Variants in PGM2 observed in about 807,000 individuals in gnomAD.
The protein encoded by PGM2 is phosphopentomutase.
A neutral mutation model predicts 74.6 loss-of-function variants in PGM2; 57 were observed. The observed-to-expected ratio is 0.76, with a 90% CI of 0.62 to 0.95. The LOEUF is 0.95. PGM2 is among the 40% of genes least tolerant of loss of function. The pLI is 0.00. For missense variants in PGM2, 706 were observed against 741.9 expected (o/e 0.95, Z 0.56); for synonymous variants, 273 against 260.7 (o/e 1.05, Z -0.46).
chr4:37,852,537 G>T (rs1203563623), intron 12 of PGM2, among the ~76,000 whole-genome samples: 1 of 152,112 alleles, frequency 6.6e-6, no homozygotes, highest in African/African-American at 2.4e-5. Flanking sequence ...AAGTAATTGG[G>T]TGGTAAGTTT....
At chr4:37,852,766 T>G (rs1726088446) in intron 12 of PGM2, among the ~76,000 whole-genome samples, 1 of 152,188 alleles carries the variant, frequency 6.6e-6, no homozygotes, top group African/African-American at 2.4e-5. Flanking sequence ...TTTTGTTTGT[T>G]TTTTTCCTCT....
Position 37,826,821 on chromosome 4 carries a change from G to A in PGM2, c.81+8G>A. ...TGGCTGCGCTGGGACAAGGTGAGGGGCACCAGCAGGCGGGGAGCGCCTGGA... is the reference window on the plus strand; with the variant it reads ...TGGCTGCGCTGGGACAAGGTGAGGGACACCAGCAGGCGGGGAGCGCCTGGA... On this transcript the variant is annotated splice_region_variant and intron_variant, in intron 1 of 13. Coordinates refer to ENST00000381967, the MANE Select transcript of PGM2 (RefSeq NM_018290.4). 6.5e-7 allele frequency: 1 copy of A among 1,532,450 alleles called. No individual in the cohort carries two copies. The highest frequency in any genetic ancestry group is 1.2e-5 in the South Asian group (1 of 83,642). 94.9% of individuals were successfully genotyped at this position (1,532,450 alleles called of 1,614,324 possible). A position where few individuals can be genotyped will look rare whatever the true frequency, so the allele number is the denominator to read the frequency against.
Position 37,839,850 on chromosome 4 carries a change from C to G in PGM2, c.444C>G (p.Pro148=), listed in dbSNP as rs773632306. The G allele has an allele frequency of 1.3e-5, 21 of 1,564,692 alleles. No homozygotes were observed. Among genetic ancestry groups the G allele is most frequent in the African/African-American group, 4.1e-5 (3 of 73,876 alleles). ...FSDITPTPFV[P]FTVSHLKLCA... ...TCTTGTTTCCTGCTATGTTACAGCC[C>G]TTCACAGTATCACATTTGAAACTTT... Residue 148 remains proline, a splice_region_variant and synonymous_variant, in exon 5 of 14, where the codon CCC becomes CCG. Coordinates refer to ENST00000381967, the MANE Select transcript of PGM2 (RefSeq NM_018290.4).
At chr4:37,851,008 AAG>A (rs1726025388) in intron 12 of PGM2, among the ~76,000 whole-genome samples, 1 of 151,614 alleles carries the variant, frequency 6.6e-6, no homozygotes, top group Non-Finnish European at 1.5e-5. Flanking sequence ...AAAAAAAAAA[AAG>A]AGGAACTAGT....
intron 7 of PGM2, 99 bp from the exon 8 acceptor site, chr4:37,845,534 G>A (rs1250771446): frequency 5.0e-6 from 4 of 796,650 alleles, no homozygotes; most frequent in South Asian, 3.0e-5. Flanking sequence ...TCTAAGAGGG[G>A]AAAGACCTCT....
rs1711780653 is a variant in PGM2 at position 37,861,681 on chromosome 4, T to G, written c.*69T>G. On this transcript the variant is annotated 3_prime_UTR_variant, in exon 14 of 14. Coordinates refer to ENST00000381967, the MANE Select transcript of PGM2 (RefSeq NM_018290.4). ...CTGGGTTTAACTTGTTAAGCAATATTTTTAAGGGCCAAATGATTCAAAACA... is the reference window on the plus strand; with the variant it reads ...CTGGGTTTAACTTGTTAAGCAATATGTTTAAGGGCCAAATGATTCAAAACA... 2 of 920,034 alleles carry G rather than the reference T, an allele frequency of 2.2e-6. No homozygotes were observed. The highest frequency in any genetic ancestry group is 1.7e-5 in the Admixed American group (1 of 58,698). 57.0% of individuals were successfully genotyped at this position (920,034 alleles called of 1,614,324 possible). A position where few individuals can be genotyped will look rare whatever the true frequency, so the allele number is the denominator to read the frequency against.
Position 37,847,182 on chromosome 4 carries a change from C to G in PGM2, c.1189-20C>G, listed in dbSNP as rs1252615054. On this transcript the variant is annotated intron_variant, in intron 9 of 13. Transcript: ENST00000381967. ...TAGAAGATCTAAGGCATGTCTTTCT[C>G]TTTTGGATTATCCCTTTAGGAAACA... 1 of 1,607,816 alleles carries G rather than the reference C, an allele frequency of 6.2e-7. No homozygotes were observed. The highest frequency in any genetic ancestry group is 8.5e-7 in the Non-Finnish European group (1 of 1,174,456).
At chr4:37,845,217 A>G (rs1334406118) in intron 7 of PGM2, among the ~76,000 whole-genome samples, 1 of 152,142 alleles carries the variant, frequency 6.6e-6, no homozygotes, top group East Asian at 1.9e-4. Flanking sequence ...TCTGATATGA[A>G]GTGTTGCTTA....
Position 37,826,766 on chromosome 4 carries a change from G to A in PGM2, c.34G>A (p.Asp12Asn). The change falls in exon 1 of 14, where the codon GAC (aspartate) becomes AAC (asparagine). Residue 12 changes from aspartate (D) to asparagine (N), a missense_variant. Physicochemically the swap from Asp to Asn is conservative, Grantham distance 23. Around this residue, in one of 3 missense-constraint regions of PGM2, gnomAD observed 332 missense variants for 334.9 expected, o/e 0.99. Transcript: ENST00000381967. Reference sequence around the variant, plus strand: ...TCCAGAAGGCAGCGGTCTAGGCGAGGACGCCCGGCTGGACCAGGAGACCGC... The same window carrying A: ...TCCAGAAGGCAGCGGTCTAGGCGAGAACGCCCGGCTGGACCAGGAGACCGC... ...AAPEGSGLGEDARLDQETAQW... is the reference protein window; with the variant it reads ...AAPEGSGLGENARLDQETAQW... 6.5e-7 allele frequency: 1 copy of A among 1,549,932 alleles called. No individual in the cohort carries two copies. The highest frequency in any genetic ancestry group is 2.4e-5 in the East Asian group (1 of 40,862).
intron 12 of PGM2, among the ~76,000 whole-genome samples, chr4:37,853,359 CTTTTTTTTTTT>C (rs11358189): frequency 8.0e-6 from 1 of 125,150 alleles, no homozygotes; most frequent in Admixed American, 8.1e-5. Context: ...GGTGATATTC[CTTTTTTTTTTT>C]TTTTTTTTTT....
chr4:37,847,170 G>T (rs765543372), intron 9 of PGM2, 32 bp from the exon 10 acceptor site: 1 of 1,599,326 alleles, frequency 6.3e-7, no homozygotes, highest in African/African-American at 1.3e-5. Context: ...AAGATCTAAG[G>T]CATGTCTTTC....
intron 10 of PGM2, chr4:37,847,548 G>T (rs551617729): frequency 2.4e-6 from 1 of 423,112 alleles, no homozygotes; most frequent in African/African-American, 2.0e-5. Context: ...TTGTATGCTT[G>T]GCTGCCGGTA....
chr4:37,842,697 G>A (rs1406476742), intron 6 of PGM2, among the ~76,000 whole-genome samples: 2 of 150,264 alleles, frequency 1.3e-5, no homozygotes, highest in Non-Finnish European at 2.9e-5. Context: ...TTCTCACATT[G>A]TCACCCAGGC....
chr4:37,835,471 C>T (rs932070597), intron 3 of PGM2, among the ~76,000 whole-genome samples: 5 of 152,198 alleles, frequency 3.3e-5, no homozygotes, highest in Admixed American at 1.3e-4. Context: ...TCCAGTAAAA[C>T]TTTACTTACA....
At position 37,826,692 on chromosome 4, in the gene PGM2, C is replaced by T. The variant is rs1331641450; in HGVS notation, c.-41C>T. ...TGGGGCCGGGCCGGAAGGCAGATCT[C>T]ACCGCCTGCTTCCCTCTGCAGCGGT... On this transcript the variant is annotated 5_prime_UTR_variant, in exon 1 of 14. Transcript: ENST00000381967. 6.7e-7 allele frequency: 1 copy of T among 1,484,474 alleles called. No individual in the cohort carries two copies. The highest frequency in any genetic ancestry group is 9.2e-7 in the Non-Finnish European group (1 of 1,086,960). The allele number at this position is 1,484,474 out of a possible 1,614,324, so 92.0% of individuals were successfully genotyped here. A position where few individuals can be genotyped will look rare whatever the true frequency, so the allele number is the denominator to read the frequency against.
chr4:37,831,118 C>T (rs979753290), intron 2 of PGM2, among the ~76,000 whole-genome samples: 18 of 144,974 alleles, frequency 1.2e-4, no homozygotes, highest in Admixed American at 4.4e-4. Context: ...TGTTTGAACC[C>T]GGAAGGCAAG....
chr4:37,846,707 G>A (rs1725884088), intron 8 of PGM2, among the ~76,000 whole-genome samples: 1 of 152,214 alleles, frequency 6.6e-6, no homozygotes, highest in Non-Finnish European at 1.5e-5. Context: ...AAGACAGGAT[G>A]TCTGTTCAGG....
intron 4 of PGM2, 90 bp downstream of exon 4, chr4:37,837,703 G>A: frequency 1.2e-6 from 1 of 825,480 alleles, no homozygotes; most frequent in Non-Finnish European, 2.2e-6. Context: ...TATTGGGATT[G>A]GACTGTTTGA....
chr4:37,860,518 G>T (rs567369395), intron 13 of PGM2, among the ~76,000 whole-genome samples: 1 of 152,316 alleles, frequency 6.6e-6, no homozygotes, highest in South Asian at 2.1e-4. Flanking sequence ...GAGCTAGTAA[G>T]TATAGAGCCA....
Sources: allele counts gnomAD v4.1 joint callset (sites outside exome capture counted in the v4.1 genomes callset), GRCh38; gene constraint gnomAD v4.1.1; regional missense constraint gnomAD v4.1.1; transcripts MANE v1.5; gene names NCBI Gene and HGNC (gene_info 2026-07-23, HGNC 2026-07-21).